The following MYCBP2 variants were observed in gnomAD, a reference collection of about 807,000 sequenced individuals.
The protein encoded by MYCBP2 is MYC binding protein 2, also known as E3 ubiquitin-protein ligase MYCBP2.
MYCBP2 carries 120 observed loss-of-function variants against 525.3 expected under a neutral mutation model. That is an observed-to-expected ratio of 0.23 (90% CI 0.20 to 0.27). The LOEUF (loss-of-function observed/expected upper bound fraction) is 0.27, where lower values mean the gene tolerates loss of function less well. Ranked by LOEUF, MYCBP2 falls within the 10% of genes least tolerant of loss-of-function variation. The pLI, the probability that MYCBP2 is intolerant of heterozygous loss-of-function variation, is 1.00. For missense variants in MYCBP2, 4,149 were observed against 5,657.1 expected (o/e 0.73, Z 8.55); for synonymous variants, 1,894 against 1,955.8 (o/e 0.97, Z 0.83).
chr13:77,102,055 T>A (rs979998271), intron 55 of MYCBP2, among the ~76,000 whole-genome samples: 9 of 151,962 alleles, frequency 5.9e-5, no homozygotes, highest in Non-Finnish European at 1.2e-4. Context: ...AATGACAGGA[T>A]AGAAACTTAG....
At chr13:77,059,686 G>A (rs2038919170) in intron 76 of MYCBP2, 60 bp from the exon 77 acceptor site, 1 of 1,294,178 alleles carries the variant, frequency 7.7e-7, no homozygotes, top group Non-Finnish European at 1.1e-6. Context: ...TATGTTAACA[G>A]AACTAAATTT....
chr13:77,294,104 C>CTATATATA (rs1197370334), intron 2 of MYCBP2, among the ~76,000 whole-genome samples: 4,220 of 41,700 alleles, frequency 0.1, 470 homozygotes, highest in African/African-American at 0.12. Flanking sequence ...GATATAATGG[C>CTATATATA]TATATATATA....
At chr13:77,323,172 G>A (rs1031749725) in intron 1 of MYCBP2, among the ~76,000 whole-genome samples, 1 of 152,148 alleles carries the variant, frequency 6.6e-6, no homozygotes, top group Admixed American at 6.5e-5. Flanking sequence ...AGGCATAGAA[G>A]TTATGTAATA....
chr13:77,289,413 A>C (rs536362174), intron 2 of MYCBP2, among the ~76,000 whole-genome samples: 1 of 152,280 alleles, frequency 6.6e-6, no homozygotes, highest in Non-Finnish European at 1.5e-5. Context: ...CTGGCACAAC[A>C]CTGGAAAAGC....
chr13:77,082,937 C>A lies in MYCBP2; in HGVS notation c.11036+95G>T, dbSNP rs182089488. ...TATATAATGTAGGGATTCTATCTTA[C>A]TATTTAAAGAGCTTTTTTTGGAGCA... On this transcript the variant is annotated intron_variant, in intron 63 of 82. Transcript: ENST00000544440. 7,644 of 1,242,046 alleles carry A rather than the reference C, an allele frequency of 6.2e-3. 51 individuals are homozygous for A. Among genetic ancestry groups the A allele is most frequent in the Non-Finnish European group, 6.2e-3 (5,542 of 900,120 alleles). 76.9% of individuals were successfully genotyped at this position (1,242,046 alleles called of 1,614,324 possible).
chr13:77,080,326 T>C (rs1213192065), intron 65 of MYCBP2, among the ~76,000 whole-genome samples: 2 of 152,036 alleles, frequency 1.3e-5, no homozygotes, highest in Admixed American at 1.3e-4. Flanking sequence ...AGAAAGGAAA[T>C]ATGCAAATGG....
rs772069179 is a variant in MYCBP2 at position 77,110,369 on chromosome 13, AAAACCCCACCCT to A, written c.8140+10992_8140+11003del. On this transcript the variant is annotated intron_variant, in intron 55 of 82. Transcript: ENST00000544440. ...ACCCTCAGGCTCAGAAGGCGGGGAA[AAAACCCCACCCT>A]GGTGAAATTGAGGTCAGATCGGTTC... Among the ~76,000 whole-genome samples, 1,260 of 152,274 alleles carry A rather than the reference AAAACCCCACCCT, an allele frequency of 8.3e-3. 19 individuals are homozygous for A. Among genetic ancestry groups the A allele is most frequent in the African/African-American group, 0.029 (1,204 of 41,558 alleles).
intron 47 of MYCBP2, among the ~76,000 whole-genome samples, chr13:77,149,665 C>T (rs2154192461): frequency 6.6e-6 from 1 of 152,288 alleles, no homozygotes; most frequent in African/African-American, 2.4e-5. Context: ...CTCACCTCAT[C>T]CAAAACTGAA....
intron 38 of MYCBP2, 108 bp from the exon 39 acceptor site, chr13:77,169,822 G>A: frequency 2.2e-6 from 2 of 905,048 alleles, no homozygotes; most frequent in East Asian, 2.6e-5. Flanking sequence ...CGAAACTATA[G>A]TTGACACCAA....
At chr13:77,166,214 G>A in intron 41 of MYCBP2, 115 bp downstream of exon 41, 1 of 748,630 alleles carries the variant, frequency 1.3e-6, no homozygotes, top group South Asian at 2.1e-5. Context: ...ATACATAGTA[G>A]GTCTTTAATA....
intron 52 of MYCBP2, among the ~76,000 whole-genome samples, chr13:77,137,248 G>T (rs565727860): frequency 6.6e-6 from 1 of 152,096 alleles, no homozygotes; most frequent in Non-Finnish European, 1.5e-5. Flanking sequence ...AAATAAAATC[G>T]TGGGATTCAG....
intron 17 of MYCBP2, among the ~76,000 whole-genome samples, chr13:77,235,360 G>A (rs187312329): frequency 6.6e-6 from 1 of 151,642 alleles, no homozygotes; most frequent in African/African-American, 2.4e-5. Context: ...GGAAGAGAGG[G>A]CATTCCAGTT....
At chr13:77,180,751 C>A (rs554058427) in intron 33 of MYCBP2, among the ~76,000 whole-genome samples, 3 of 151,982 alleles carry the variant, frequency 2.0e-5, no homozygotes, top group African/African-American at 4.8e-5. Context: ...TTTGTCTCTA[C>A]AAAATGTTTT....
rs185687565 is a variant in MYCBP2 at position 77,301,252 on chromosome 13, T to C, written c.303-4578A>G. ...CAACATGGTGAAACCCCGTCTCTAC[T>C]AAAAATGCAAAAAATTAGCTGGGTA... On this transcript the variant is annotated intron_variant, in intron 1 of 82. Transcript: ENST00000544440. Among the ~76,000 whole-genome samples the C allele has an allele frequency of 4.7e-3, 710 of 151,404 alleles. 3 individuals carry two copies. Among genetic ancestry groups the C allele is most frequent in the African/African-American group, 0.015 (620 of 41,230 alleles).
intron 27 of MYCBP2, among the ~76,000 whole-genome samples, 189 bp from the exon 28 acceptor site, chr13:77,192,002 G>A (rs1207214039): frequency 6.6e-6 from 1 of 152,178 alleles, no homozygotes; most frequent in Non-Finnish European, 1.5e-5. Flanking sequence ...TTATGTTATG[G>A]TGATAGAATT....
At chr13:77,191,872 T>G (rs1230312124) in intron 27 of MYCBP2, 59 bp from the exon 28 acceptor site, 11 of 1,537,358 alleles carry the variant, frequency 7.2e-6, no homozygotes, top group Non-Finnish European at 9.8e-6. Context: ...CACATATATT[T>G]ATTTTTTCAA....
Position 77,144,387 on chromosome 13 carries a change from A to G in MYCBP2, c.7303+58T>C, listed in dbSNP as rs1020761902. 2.5e-5 allele frequency: 31 copies of G among 1,225,392 alleles called. No individual in the cohort carries two copies. In the African/African-American group the frequency reaches 4.1e-4, roughly 16 times the overall value. The allele number at this position is 1,225,392 out of a possible 1,614,324, so 75.9% of individuals were successfully genotyped here. A position where few individuals can be genotyped will look rare whatever the true frequency, so the allele number is the denominator to read the frequency against. On this transcript the variant is annotated intron_variant, in intron 49 of 82. Coordinates refer to ENST00000544440, the MANE Select transcript of MYCBP2 (RefSeq NM_015057.5). ...TAATGGGCAAAACTAGAAGATAAAAATAATTTTGACTCTAGTTATTTGAAG... is the reference window on the plus strand; with the variant it reads ...TAATGGGCAAAACTAGAAGATAAAAGTAATTTTGACTCTAGTTATTTGAAG...
chr13:77,184,565 C>T (rs1430479040), intron 32 of MYCBP2, among the ~76,000 whole-genome samples: 1 of 152,132 alleles, frequency 6.6e-6, no homozygotes, highest in East Asian at 1.9e-4. Flanking sequence ...GGCCTAGTTC[C>T]TCTATTAATT....
At chr13:77,118,742 C>T (rs2050201247) in intron 55 of MYCBP2, among the ~76,000 whole-genome samples, 1 of 151,826 alleles carries the variant, frequency 6.6e-6, no homozygotes, top group Non-Finnish European at 1.5e-5. Flanking sequence ...AAAACAAATC[C>T]ATTTAAATTC....
Sources: allele counts gnomAD v4.1 joint callset (sites outside exome capture counted in the v4.1 genomes callset), GRCh38; gene constraint gnomAD v4.1.1; transcripts MANE v1.5; gene names NCBI Gene and HGNC (gene_info 2026-07-23, HGNC 2026-07-21).